Variants in USH1C observed in about 807,000 individuals in gnomAD.
USH1C encodes the protein harmonin.
In USH1C, 90 loss-of-function variants were observed where a neutral mutation model predicts 119.3. That is an observed-to-expected ratio of 0.75 (90% CI 0.64 to 0.90). The LOEUF is 0.90. USH1C is among the 40% of genes least tolerant of loss of function. USH1C has a pLI of 0.00. For synonymous variants in USH1C, 465 were observed against 443.3 expected (o/e 1.05, Z -0.62); for missense variants, 1,165 against 1,167.7 (o/e 1.00, Z 0.03).
chr11:17,510,867 A>G (rs1017425958), intron 16 of USH1C, among the ~76,000 whole-genome samples: 2 of 152,176 alleles, frequency 1.3e-5, no homozygotes, highest in Non-Finnish European at 2.9e-5. Flanking sequence ...GCACATTCCA[A>G]GAGTTTAACT....
intron 15 of USH1C, among the ~76,000 whole-genome samples, chr11:17,513,317 C>G (rs969261999): frequency 7.2e-5 from 11 of 152,074 alleles, no homozygotes; most frequent in African/African-American, 2.7e-4. Flanking sequence ...AAGGAGGAAA[C>G]CCCCTGTTCA....
At position 17,508,257 on chromosome 11, in the gene USH1C, G is replaced by A. The variant is rs116909048; in HGVS notation, c.2013+1099C>T. ...TTCCTGTCAAAGCTGCAGGGCTCACGACCCCAACCAGAGGTCCAGAAAGGG... is the reference window on the plus strand; with the variant it reads ...TTCCTGTCAAAGCTGCAGGGCTCACAACCCCAACCAGAGGTCCAGAAAGGG... On this transcript the variant is annotated intron_variant, in intron 18 of 26. Transcript: ENST00000005226. 2.2e-3 allele frequency among the ~76,000 whole-genome samples: 331 copies of A among 152,304 alleles called. 2 individuals are homozygous for A. Among genetic ancestry groups the A allele is most frequent in the Middle Eastern group, 6.8e-3 (2 of 294 alleles).
chr11:17,495,536 A>T lies in USH1C; in HGVS notation c.2655+33T>A, dbSNP rs180973453. 9.6e-4 allele frequency: 1,540 copies of T among 1,602,038 alleles called. 5 individuals carry two copies. Among genetic ancestry groups the T allele is most frequent in the East Asian group, 3.8e-3 (170 of 44,816 alleles). On this transcript the variant is annotated intron_variant, in intron 26 of 26. Transcript: ENST00000005226. ...GATGGCCACTGCAAGCAGCAGGGAC[A>T]CACAGGGCCCTGTGGCCCGCCTGCC...
At chr11:17,522,641 C>A in intron 12 of USH1C, 143 bp downstream of exon 12, 1 of 1,263,910 alleles carries the variant, frequency 7.9e-7, no homozygotes, top group Non-Finnish European at 1.1e-6. Context: ...GCTGACCTAC[C>A]ACCAAACTCA....
chr11:17,531,433 C>T lies in USH1C; in HGVS notation c.214G>A (p.Val72Met), dbSNP rs763766845. Residue 72 changes from valine (V) to methionine (M), a missense_variant, in exon 3 of 27, where the codon GTG (valine) becomes ATG (methionine). Val to Met is a conservative substitution (Grantham distance 21). Transcript: ENST00000005226. This position sits in a 1 kb window ranked among gnomAD's most constrained non-coding sequence, Gnocchi z 4.2. Reference sequence around the variant, plus strand: ...CGGGGGGTCAGCTGATCATATTCCACCTGGTGCTTCAGTGGGATCAGCGGC... The same window carrying T: ...CGGGGGGTCAGCTGATCATATTCCATCTGGTGCTTCAGTGGGATCAGCGGC... ...IRPLIPLKHQVEYDQLTPRRS... is the reference protein window; with the variant it reads ...IRPLIPLKHQMEYDQLTPRRS... 3.7e-6 allele frequency: 6 copies of T among 1,614,094 alleles called. No individual in the cohort carries two copies. The highest frequency in any genetic ancestry group is 1.7e-4 in the Middle Eastern group (1 of 6,042).
chr11:17,494,243 A>G lies in USH1C; in HGVS notation c.*89T>C, dbSNP rs1849162506. The G allele has an allele frequency of 6.8e-7, 1 of 1,468,506 alleles. No homozygotes were observed. The highest frequency in any genetic ancestry group is 1.4e-5 in the African/African-American group (1 of 71,628). The allele number at this position is 1,468,506 out of a possible 1,614,324, so 91.0% of individuals were successfully genotyped here. ...TCCTGGGTGATAGATTCAGGTCCCA[A>G]GGATGCCATCTGGTGTGTGTAGTGT... On this transcript the variant is annotated 3_prime_UTR_variant, in exon 27 of 27. Coordinates refer to ENST00000005226, the MANE Select transcript of USH1C (RefSeq NM_153676.4).
rs1850959183 is a variant in USH1C, at chr11:17,531,261, G to A, written c.280C>T (p.His94Tyr). The A allele has an allele frequency of 6.2e-7, 1 of 1,614,028 alleles. No homozygotes were observed. The highest frequency in any genetic ancestry group is 8.5e-7 in the Non-Finnish European group (1 of 1,180,058). The change falls in exon 4 of 27, where the codon CAC becomes TAC. Residue 94 changes from histidine (H) to tyrosine (Y), a missense_variant. Coordinates refer to ENST00000005226, the MANE Select transcript of USH1C (RefSeq NM_153676.4). This position sits in a 1 kb window ranked among gnomAD's most constrained non-coding sequence, Gnocchi z 4.2. The stretch of plus-strand genomic sequence containing the variant: ...ACACTCAGGCCGAGGCCTTCGGGGT[G>A]CAGACGGTCCAGACGCACCTCCTTC... ...KLKEVRLDRLHPEGLGLSVRG... is the reference protein window; with the variant it reads ...KLKEVRLDRLYPEGLGLSVRG...
intron 10 of USH1C, 24 bp downstream of exon 10, chr11:17,523,395 C>A (rs777601249): frequency 1.2e-6 from 2 of 1,614,022 alleles, no homozygotes; most frequent in African/African-American, 2.7e-5. Flanking sequence ...CAAGGGCCAA[C>A]AGGTGAAGAC....
intron 4 of USH1C, among the ~76,000 whole-genome samples, chr11:17,527,562 C>G (rs901106850): frequency 3.9e-5 from 6 of 152,088 alleles, no homozygotes; most frequent in African/African-American, 1.4e-4. Context: ...ATGGAGAAAC[C>G]AAGACAGGGG....
Position 17,532,960 on chromosome 11 carries a change from A to T in USH1C, c.104+295T>A, listed in dbSNP as rs142593423. 7.3e-3 allele frequency among the ~76,000 whole-genome samples: 1,111 copies of T among 152,316 alleles called. 17 individuals are homozygous for T. The highest frequency in any genetic ancestry group is 0.025 in the African/African-American group (1,041 of 41,564). ...CATTTCTTGTTCTGTCCCAACAATC[A>T]TGCTCTATAGAATCTATCTGGCTAC... On this transcript the variant is annotated intron_variant, in intron 2 of 26. Transcript: ENST00000005226.
intron 9 of USH1C, 44 bp from the exon 10 acceptor site, chr11:17,523,522 T>G: frequency 6.2e-7 from 1 of 1,601,638 alleles, no homozygotes; most frequent in South Asian, 1.1e-5. Context: ...GCGCTATCTG[T>G]ACACTCGCTC....
rs773269449 is a variant in USH1C, at chr11:17,505,982, G to A, written c.2014-33C>T. 5 of 1,613,954 alleles carry A rather than the reference G, an allele frequency of 3.1e-6. No individual in the cohort carries two copies. In the Admixed American group the frequency reaches 8.3e-5, roughly 27 times the overall value. On this transcript the variant is annotated intron_variant, in intron 18 of 26. Transcript: ENST00000005226. ...GTTAGTTTAACAGGGACCCAGGTGA[G>A]GTCATGGTGGGGTGGCCAAGGCCAG...
intron 17 of USH1C, 138 bp downstream of exon 17, chr11:17,510,267 T>C: frequency 1.4e-6 from 1 of 713,690 alleles, no homozygotes; most frequent in Admixed American, 2.0e-5. Context: ...AGTGGGGTGG[T>C]AGGGGTGGGC....
At chr11:17,495,513 T>A in intron 26 of USH1C, 56 bp downstream of exon 26, 1 of 1,547,816 alleles carries the variant, frequency 6.5e-7, no homozygotes, top group Non-Finnish European at 8.9e-7. Context: ...GGGCAGCAGA[T>A]GGCCACTGCA....
intron 8 of USH1C, among the ~76,000 whole-genome samples, chr11:17,525,788 A>T (rs139483847): frequency 1.3e-5 from 2 of 152,204 alleles, no homozygotes; most frequent in East Asian, 1.9e-4. Flanking sequence ...CCCACAAGGT[A>T]ACACTGTTCT....
intron 1 of USH1C, among the ~76,000 whole-genome samples, chr11:17,535,415 A>C (rs1334995444): frequency 2.0e-5 from 3 of 151,970 alleles, no homozygotes; most frequent in African/African-American, 7.2e-5. Context: ...ACCTACCCAG[A>C]CAGAACCGAC....
At chr11:17,499,457 G>C (rs1849358612) in intron 23 of USH1C, among the ~76,000 whole-genome samples, 1 of 152,168 alleles carries the variant, frequency 6.6e-6, no homozygotes, top group Admixed American at 6.5e-5. Flanking sequence ...ATCCATGACA[G>C]AGTCTCAGGG....
chr11:17,533,511 C>T, intron 1 of USH1C, 189 bp from the exon 2 acceptor site: 1 of 658,040 alleles, frequency 1.5e-6, no homozygotes, highest in South Asian at 1.7e-5. Flanking sequence ...TGCAGACCAC[C>T]CCAACGTGGC....
At chr11:17,537,579 C>T (rs1565071858) in intron 1 of USH1C, among the ~76,000 whole-genome samples, 2 of 152,196 alleles carry the variant, frequency 1.3e-5, no homozygotes, top group African/African-American at 4.8e-5. Context: ...GTCTGCCTCC[C>T]CTTAGTTCAC....
Sources: allele counts gnomAD v4.1 joint callset (sites outside exome capture counted in the v4.1 genomes callset), GRCh38; gene constraint gnomAD v4.1.1; non-coding constraint Gnocchi (gnomAD v3.1); transcripts MANE v1.5; gene names NCBI Gene and HGNC (gene_info 2026-07-23, HGNC 2026-07-21).